OAS2: variants seen among roughly 807,000 people sequenced by gnomAD.
OAS2 encodes the protein 2'-5'-oligoadenylate synthetase 2, also known as 2'-5'-oligoadenylate synthase 2.
In OAS2, 67 loss-of-function variants were observed where a neutral mutation model predicts 71.3. The ratio of observed to expected loss-of-function variants is 0.94; its 90% CI spans 0.77 to 1.15. The LOEUF is 1.15. Among genes scored for constraint, OAS2 ranks in the 50% most tolerant of loss-of-function variants. The probability of loss-of-function intolerance (pLI) is 0.00; values close to 1 mark genes in which losing one functional copy is unlikely to be tolerated. For synonymous variants in OAS2, 327 were observed against 321.8 expected (o/e 1.02, Z -0.17); for missense variants, 789 against 822.5 (o/e 0.96, Z 0.50).
chr12:113,003,898 G>A (rs1438425434), intron 6 of OAS2, among the ~76,000 whole-genome samples: 6 of 152,236 alleles, frequency 3.9e-5, no homozygotes, highest in African/African-American at 9.6e-5. Flanking sequence ...AGGGCAATGA[G>A]TGAACTGTCT....
At chr12:112,985,879 G>A (rs998261749) in intron 1 of OAS2, among the ~76,000 whole-genome samples, 3 of 152,214 alleles carry the variant, frequency 2.0e-5, no homozygotes, top group Non-Finnish European at 4.4e-5. Context: ...AGGCTGAGGT[G>A]GGAAGATTGC....
rs201911836 is a variant in OAS2 at position 113,010,523 on chromosome 12, G to T, written c.*1268G>T. On this transcript the variant is annotated 3_prime_UTR_variant, in exon 10 of 10. Coordinates refer to ENST00000392583, the MANE Select transcript of OAS2 (RefSeq NM_002535.3). ...ATCGCTTTTAAAGACTCGGCTCACCGTGAGAAAGAGTCACTCACATCCATT... is the reference window on the plus strand; with the variant it reads ...ATCGCTTTTAAAGACTCGGCTCACCTTGAGAAAGAGTCACTCACATCCATT... 1.2e-6 allele frequency: 2 copies of T among 1,602,658 alleles called. No homozygotes were observed. The highest frequency in any genetic ancestry group is 4.5e-5 in the East Asian group (2 of 44,712).
At chr12:113,002,863 G>A in intron 5 of OAS2, 69 bp from the exon 6 acceptor site, 1 of 1,463,426 alleles carries the variant, frequency 6.8e-7, no homozygotes, top group Non-Finnish European at 9.5e-7. Context: ...GCCCAGTACA[G>A]GCAGGAAAAG....
In OAS2 at chr12:113,011,290, T is replaced by A. The variant is rs1365338485; in HGVS notation, c.*2035T>A. On this transcript the variant is annotated 3_prime_UTR_variant, in exon 10 of 10. Transcript: ENST00000392583. Reference sequence around the variant, plus strand: ...CTGATAGGAGTGTCTTTTGTATTCATAACAAGCCCTTTTCACCCATGCCTG... The same window carrying A: ...CTGATAGGAGTGTCTTTTGTATTCAAAACAAGCCCTTTTCACCCATGCCTG... 6.6e-6 allele frequency: 1 copy of A among 152,228 alleles called. No homozygotes were observed. Among genetic ancestry groups the A allele is most frequent in the Non-Finnish European group, 1.5e-5 (1 of 68,042 alleles). The allele number at this position is 152,228 out of a possible 1,614,324, so 9.4% of individuals were successfully genotyped here. A position where few individuals can be genotyped will look rare whatever the true frequency, so the allele number is the denominator to read the frequency against.
chr12:113,011,711 TGTAA>T lies in OAS2; in HGVS notation c.*2460_*2463del, dbSNP rs1448087190. 6.6e-6 allele frequency: 1 copy of T among 152,196 alleles called. No individual in the cohort carries two copies. The highest frequency in any genetic ancestry group is 1.5e-5 in the Non-Finnish European group (1 of 68,042). The allele number at this position is 152,196 out of a possible 1,614,324, so 9.4% of individuals were successfully genotyped here. A position where few individuals can be genotyped will look rare whatever the true frequency, so the allele number is the denominator to read the frequency against. ...GTATTCTTTATAATAAAATGGTGAT[TGTAA>T]GTAGAGCATTTTCCTGAGTTCTATG... On this transcript the variant is annotated 3_prime_UTR_variant, in exon 10 of 10. Transcript: ENST00000392583.
At chr12:112,994,647 C>G (rs1263071833) in intron 2 of OAS2, among the ~76,000 whole-genome samples, 1 of 152,142 alleles carries the variant, frequency 6.6e-6, no homozygotes, top group African/African-American at 2.4e-5. Flanking sequence ...GTCTCAAACT[C>G]CTGGCCTCAG....
In OAS2 at chr12:113,009,528, A is replaced by G. The variant is rs2044362695; in HGVS notation, c.*273A>G. 1.8e-6 allele frequency: 2 copies of G among 1,128,870 alleles called. No homozygotes were observed. Among genetic ancestry groups the G allele is most frequent in the African/African-American group, 1.6e-5 (1 of 61,670 alleles). The allele number at this position is 1,128,870 out of a possible 1,614,324, so 69.9% of individuals were successfully genotyped here. On this transcript the variant is annotated 3_prime_UTR_variant, in exon 10 of 10. Coordinates refer to ENST00000392583, the MANE Select transcript of OAS2 (RefSeq NM_002535.3). ...CAGTGACAACCAAAAGTCTTCAGACATTGTCAAACGTTCCCCTGGGTTCAC... is the reference window on the plus strand; with the variant it reads ...CAGTGACAACCAAAAGTCTTCAGACGTTGTCAAACGTTCCCCTGGGTTCAC...
In OAS2 at chr12:112,997,623, T is replaced by G. The variant is rs1241911500; in HGVS notation, c.731T>G (p.Ile244Ser). 6.2e-7 allele frequency: 1 copy of G among 1,614,016 alleles called. No individual in the cohort carries two copies. The highest frequency in any genetic ancestry group is 1.3e-5 in the African/African-American group (1 of 74,936). The change falls in exon 4 of 10, where the codon ATT (isoleucine) becomes AGT (serine). Residue 244 changes from isoleucine (I) to serine (S), a missense_variant. Transcript: ENST00000392583. Reference sequence around the variant, plus strand: ...GGGTGCAGAAAAGACAACTTTGACATTGCTGAAGGCGTCAGAACCGTACTG... The same window carrying G: ...GGGTGCAGAAAAGACAACTTTGACAGTGCTGAAGGCGTCAGAACCGTACTG... ...EQGCRKDNFD[I>S]AEGVRTVLEL...
At chr12:112,995,572 A>G in intron 3 of OAS2, 98 bp downstream of exon 3, 1 of 1,162,278 alleles carries the variant, frequency 8.6e-7, no homozygotes, top group Non-Finnish European at 1.2e-6. Flanking sequence ...TATACAGCTC[A>G]ACGCATTTTT....
chr12:113,005,150 A>G lies in OAS2; in HGVS notation c.1396A>G (p.Ser466Gly). The change falls in exon 7 of 10, where the codon AGC becomes GGC. Residue 466 changes from serine to glycine, a missense_variant. Transcript: ENST00000392583. ...CAAGTGGAAGGCTCCCAGGGTGCTG[A>G]GCTTCTCTCTGAAATCCAAAGTCCT... ...PPKWKAPRVLSFSLKSKVLNE... is the reference protein window; with the variant it reads ...PPKWKAPRVLGFSLKSKVLNE... 1 of 1,614,120 alleles carries G rather than the reference A, an allele frequency of 6.2e-7. No homozygotes were observed. Among genetic ancestry groups the G allele is most frequent in the Non-Finnish European group, 8.5e-7 (1 of 1,179,994 alleles).
Position 112,998,267 on chromosome 12 carries a change from C to A in OAS2, c.865C>A (p.Pro289Thr). Reference protein sequence around the residue: ...ILLHQLQSARPVILDPVDPTN... With the variant: ...ILLHQLQSARTVILDPVDPTN... ...TTTTTAATCTAATGGAATACACAGGCCAGTAATCTTGGATCCAGTTGACCC... is the reference window on the plus strand; with the variant it reads ...TTTTTAATCTAATGGAATACACAGGACAGTAATCTTGGATCCAGTTGACCC... The change falls in exon 5 of 10, where the codon CCA becomes ACA. Residue 289 changes from proline (P) to threonine (T), a missense_variant and splice_region_variant. Pro to Thr is a conservative substitution (Grantham distance 38). Transcript: ENST00000392583. 1 of 1,612,446 alleles carries A rather than the reference C, an allele frequency of 6.2e-7. No homozygotes were observed. Among genetic ancestry groups the A allele is most frequent in the Non-Finnish European group, 8.5e-7 (1 of 1,179,388 alleles).
rs756741874 is a variant in OAS2, at chr12:113,003,029, C to A, written c.1106C>A (p.Ala369Asp). The change falls in exon 6 of 10, where the codon GCT becomes GAT. Residue 369 changes from alanine to aspartate, a missense_variant. Ala to Asp is a moderately radical substitution (Grantham distance 126). Coordinates refer to ENST00000392583, the MANE Select transcript of OAS2 (RefSeq NM_002535.3). ...TGCTTCCTAGAGCAGATTGACAGTG[C>A]TGTTAACATCATCCGTACATTCCTT... ...NKCFLEQIDS[A>D]VNIIRTFLKE... 4.3e-6 allele frequency: 7 copies of A among 1,614,124 alleles called. No individual in the cohort carries two copies. In the South Asian group the frequency reaches 6.6e-5, roughly 15 times the overall value.
At chr12:113,006,361 T>C in intron 7 of OAS2, 52 bp from the exon 8 acceptor site, 1 of 1,388,128 alleles carries the variant, frequency 7.2e-7, no homozygotes, top group Non-Finnish European at 9.6e-7. Context: ...TTTTGGAATC[T>C]GTTACTTACT....
chr12:113,009,186 C>T lies in OAS2; in HGVS notation c.1995C>T (p.Ser665=). ...CAAAAGAAGCAAAGGAATGGTTATC[C>T]TCTCCCTGCTTCAAGGATGGGACTG... ...LLAKEAKEWL[S]SPCFKDGTGN... is the part of the protein sequence containing the mutation. Residue 665 remains serine, a synonymous_variant, in exon 10 of 10, where the codon TCC becomes TCT. Coordinates refer to ENST00000392583, the MANE Select transcript of OAS2 (RefSeq NM_002535.3). 1.2e-6 allele frequency: 2 copies of T among 1,614,114 alleles called. No individual in the cohort carries two copies.
intron 2 of OAS2, among the ~76,000 whole-genome samples, chr12:112,988,996 G>A (rs1386367453): frequency 6.6e-6 from 1 of 152,184 alleles, no homozygotes; most frequent in Non-Finnish European, 1.5e-5. Flanking sequence ...AGGAAGTTCT[G>A]ATGACATGTA....
At chr12:113,006,720 C>T in intron 8 of OAS2, 120 bp downstream of exon 8, 2 of 795,524 alleles carry the variant, frequency 2.5e-6, no homozygotes, top group South Asian at 5.4e-5. Flanking sequence ...AGAATCTGCC[C>T]ACTGGATATC....
chr12:112,997,158 G>T lies in OAS2; in HGVS notation c.628-362G>T, dbSNP rs189719955. Among the ~76,000 whole-genome samples, 143 of 151,768 alleles carry T rather than the reference G, an allele frequency of 9.4e-4. 1 individual carries two copies. The highest frequency in any genetic ancestry group is 3.3e-3 in the African/African-American group (136 of 41,356). On this transcript the variant is annotated intron_variant, in intron 3 of 9. Coordinates refer to ENST00000392583, the MANE Select transcript of OAS2 (RefSeq NM_002535.3). ...TTTTTTGTTGTTTTTGTTTTATTGG[G>T]TTTTTTTTCACTGCTCCTGTAGACC...
At chr12:113,006,283 C>A in intron 7 of OAS2, 130 bp from the exon 8 acceptor site, 2 of 707,292 alleles carry the variant, frequency 2.8e-6, no homozygotes, top group Non-Finnish European at 4.3e-6. Context: ...TCTTAGACAT[C>A]AGTCTTTTAA....
chr12:112,988,225 A>G, intron 2 of OAS2: 1 of 985,180 alleles, frequency 1.0e-6, no homozygotes. Context: ...CATCAATACC[A>G]CTGTTAAGAA....
Sources: gnomAD v4.1 joint callset for allele counts (sites outside exome capture counted in the v4.1 genomes callset) on GRCh38, gnomAD v4.1.1 for gene constraint, MANE v1.5 for transcripts, NCBI Gene and HGNC (gene_info 2026-07-23, HGNC 2026-07-21) for gene names.